The following UBE2E2 variants were observed in gnomAD, a reference collection of about 807,000 sequenced individuals.
UBE2E2 encodes ubiquitin conjugating enzyme E2 E2.
In UBE2E2, 6 loss-of-function variants were observed where a neutral mutation model predicts 24.7. That is an observed-to-expected ratio of 0.24 (90% CI 0.13 to 0.48). UBE2E2 has a LOEUF of 0.48. Among genes scored for constraint, UBE2E2 ranks in the 20% least tolerant of loss-of-function variants. The pLI is 0.99. For synonymous variants in UBE2E2, 104 were observed against 83.6 expected, an observed-to-expected ratio of 1.24 and a Z score of -1.33; for missense variants, 169 against 245.0, an observed-to-expected ratio of 0.69 and a Z score of 2.07.
chr3:23,251,260 C>T (rs143441092), intron 3 of UBE2E2, among the ~76,000 whole-genome samples: 65 of 152,252 alleles, frequency 4.3e-4, no homozygotes, highest in Admixed American at 3.7e-3. Context: ...GGGGGAGCAT[C>T]GTTAGCTTCT....
intron 3 of UBE2E2, among the ~76,000 whole-genome samples, chr3:23,411,666 T>C (rs151066928): frequency 6.6e-6 from 1 of 152,284 alleles, no homozygotes; most frequent in African/African-American, 2.4e-5. Context: ...AAAAGCATGA[T>C]AAAAATGCCC....
intron 3 of UBE2E2, among the ~76,000 whole-genome samples, chr3:23,473,726 G>A (rs1458294071): frequency 6.6e-6 from 1 of 152,020 alleles, no homozygotes; most frequent in Non-Finnish European, 1.5e-5. Context: ...AGAATAATAT[G>A]CCATTAATTA....
At chr3:23,585,532 G>A (rs190351321) in intron 5 of UBE2E2, among the ~76,000 whole-genome samples, 1 of 152,074 alleles carries the variant, frequency 6.6e-6, no homozygotes, top group Non-Finnish European at 1.5e-5. Context: ...ATGCCGTACT[G>A]GTGTTTGGGA....
chr3:23,379,866 T>A (rs1696622613), intron 3 of UBE2E2, among the ~76,000 whole-genome samples: 1 of 152,048 alleles, frequency 6.6e-6, no homozygotes, highest in Non-Finnish European at 1.5e-5. Flanking sequence ...TTTGGTCCGT[T>A]AGACAAACTC....
At chr3:23,478,222 G>A (rs1342468363) in intron 3 of UBE2E2, among the ~76,000 whole-genome samples, 1 of 152,220 alleles carries the variant, frequency 6.6e-6, no homozygotes, top group Non-Finnish European at 1.5e-5. Context: ...CAGCTGCCTA[G>A]TATGCAAAGA....
chr3:23,461,425 T>C (rs552113846), intron 3 of UBE2E2, among the ~76,000 whole-genome samples: 45 of 152,256 alleles, frequency 3.0e-4, no homozygotes, highest in African/African-American at 1.1e-3. Flanking sequence ...AGCAGTGTGG[T>C]AGAGGAATCC....
At chr3:23,501,083 C>G (rs533370880) in intron 4 of UBE2E2, among the ~76,000 whole-genome samples, 12 of 152,062 alleles carry the variant, frequency 7.9e-5, no homozygotes, top group Non-Finnish European at 1.6e-4. Flanking sequence ...TAGACCAGCC[C>G]TTATGTCACC....
intron 3 of UBE2E2, among the ~76,000 whole-genome samples, chr3:23,258,659 C>T (rs1559459660): frequency 1.3e-5 from 2 of 151,872 alleles, no homozygotes; most frequent in Admixed American, 1.3e-4. Flanking sequence ...GTTGGGAGGC[C>T]GAGGCGGGCA....
At chr3:23,378,680 C>T (rs1696584400) in intron 3 of UBE2E2, among the ~76,000 whole-genome samples, 1 of 123,786 alleles carries the variant, frequency 8.1e-6, no homozygotes, top group African/African-American at 3.0e-5. Context: ...TGACAGCTTC[C>T]CTTTGAAATT....
chr3:23,473,646 C>G (rs1191306660), intron 3 of UBE2E2, among the ~76,000 whole-genome samples: 1 of 152,124 alleles, frequency 6.6e-6, no homozygotes, highest in Non-Finnish European at 1.5e-5. Flanking sequence ...TTTGCATCCT[C>G]ATAGCTTATC....
At chr3:23,579,302 G>A (rs1024990104) in intron 5 of UBE2E2, among the ~76,000 whole-genome samples, 11 of 151,006 alleles carry the variant, frequency 7.3e-5, no homozygotes, top group Non-Finnish European at 1.5e-4. Context: ...GGAGAATGGC[G>A]TGAACCCAGG....
intron 2 of UBE2E2, among the ~76,000 whole-genome samples, chr3:23,215,301 A>G (rs1696446274): frequency 6.6e-6 from 1 of 152,172 alleles, no homozygotes; most frequent in African/African-American, 2.4e-5. Flanking sequence ...TAAAAGGCCA[A>G]TAAATTATAC....
intron 3 of UBE2E2, among the ~76,000 whole-genome samples, chr3:23,263,239 G>C (rs572578039): frequency 2.0e-5 from 3 of 152,186 alleles, no homozygotes; most frequent in South Asian, 4.1e-4. Flanking sequence ...AGAACCATAG[G>C]TTTCTTTTAT....
At chr3:23,552,453 A>G (rs1041779045) in intron 5 of UBE2E2, among the ~76,000 whole-genome samples, 3 of 152,146 alleles carry the variant, frequency 2.0e-5, no homozygotes, top group Non-Finnish European at 4.4e-5. Context: ...ATTTCATGAT[A>G]AGCGCCTGTT....
At chr3:23,506,915 T>C (rs2125461693) in intron 4 of UBE2E2, among the ~76,000 whole-genome samples, 1 of 152,346 alleles carries the variant, frequency 6.6e-6, no homozygotes, top group East Asian at 1.9e-4. Flanking sequence ...ATTACAGGCA[T>C]GAGCCACCAC....
intron 3 of UBE2E2, among the ~76,000 whole-genome samples, chr3:23,440,410 C>T (rs1460248433): frequency 6.6e-6 from 1 of 151,830 alleles, no homozygotes; most frequent in Non-Finnish European, 1.5e-5. Flanking sequence ...ACCCGGCTAT[C>T]TTATCTTCTT....
intron 3 of UBE2E2, among the ~76,000 whole-genome samples, chr3:23,421,032 TAGGG>T (rs1367405650): frequency 4.6e-5 from 7 of 152,194 alleles, no homozygotes; most frequent in African/African-American, 1.7e-4. Flanking sequence ...GACTTAATAA[TAGGG>T]AGAATGTTTC....
At chr3:23,318,884 G>A (rs1471613671) in intron 3 of UBE2E2, among the ~76,000 whole-genome samples, 1 of 152,146 alleles carries the variant, frequency 6.6e-6, no homozygotes, top group African/African-American at 2.4e-5. Context: ...ATATATCTGT[G>A]TAAATAACAA....
chr3:23,233,012 G>T (rs529729355), intron 3 of UBE2E2, among the ~76,000 whole-genome samples: 1 of 152,302 alleles, frequency 6.6e-6, no homozygotes, highest in Non-Finnish European at 1.5e-5. Flanking sequence ...GAACATTTTG[G>T]TGTCAGGCTC....
Sources: gnomAD v4.1 joint callset for allele counts (sites outside exome capture counted in the v4.1 genomes callset) on GRCh38, gnomAD v4.1.1 for gene constraint, MANE v1.5 for transcripts, NCBI Gene and HGNC (gene_info 2026-07-23, HGNC 2026-07-21) for gene names.